The following ZNF385D variants were observed in gnomAD, a reference collection of about 807,000 sequenced individuals.
ZNF385D encodes the protein zinc finger protein 659.
In ZNF385D, 15 loss-of-function variants were observed where a neutral mutation model predicts 35.8. The ratio of observed to expected loss-of-function variants is 0.42; its 90% CI spans 0.28 to 0.64. The LOEUF is 0.64. Ranked by LOEUF, ZNF385D falls within the 30% of genes least tolerant of loss-of-function variation. The probability of loss-of-function intolerance (pLI) is 0.23; values close to 1 mark genes in which losing one functional copy is unlikely to be tolerated. For synonymous variants in ZNF385D, 212 were observed against 186.8 expected (o/e 1.13, Z -1.10); for missense variants, 474 against 494.6 (o/e 0.96, Z 0.39).
At chr3:22,201,833 C>T (rs943501048) in intron 2 of ZNF385D, among the ~76,000 whole-genome samples, 14 of 151,412 alleles carry the variant, frequency 9.2e-5, no homozygotes, top group African/African-American at 3.4e-4. Flanking sequence ...AAATTTAATA[C>T]TTTTGACAAA....
intron 2 of ZNF385D, among the ~76,000 whole-genome samples, chr3:22,246,532 TC>T (rs1177769690): frequency 6.6e-6 from 1 of 152,150 alleles, no homozygotes; most frequent in Non-Finnish European, 1.5e-5. Flanking sequence ...AGATATATTT[TC>T]TCTTGCTTCA....
intron 3 of ZNF385D, among the ~76,000 whole-genome samples, chr3:22,019,338 T>C (rs770026349): frequency 6.6e-6 from 1 of 151,936 alleles, no homozygotes; most frequent in Non-Finnish European, 1.5e-5. Context: ...TAAGCAGATG[T>C]GGGAAATTTC....
intron 2 of ZNF385D, among the ~76,000 whole-genome samples, chr3:21,609,090 T>C (rs1213548600): frequency 6.6e-6 from 1 of 152,204 alleles, no homozygotes; most frequent in African/African-American, 2.4e-5. Context: ...CTGTGCCAAA[T>C]AGAATTGTGC....
intron 1 of ZNF385D, among the ~76,000 whole-genome samples, chr3:21,701,847 T>A (rs776683720): frequency 2.0e-5 from 3 of 152,174 alleles, no homozygotes; most frequent in Non-Finnish European, 4.4e-5. Context: ...CTCCTTTGAC[T>A]CCAGGTCTCA....
chr3:21,925,395 G>A (rs1438295960), intron 3 of ZNF385D, among the ~76,000 whole-genome samples: 1 of 152,172 alleles, frequency 6.6e-6, no homozygotes, highest in East Asian at 1.9e-4. Context: ...AACAACTGCT[G>A]AAACAAATAG....
intron 2 of ZNF385D, among the ~76,000 whole-genome samples, chr3:22,277,728 A>T (rs562772016): frequency 1.5e-3 from 221 of 152,264 alleles, no homozygotes; most frequent in African/African-American, 4.7e-3. Context: ...AGATCTGATG[A>T]AACAACAGGG....
intron 2 of ZNF385D, among the ~76,000 whole-genome samples, chr3:22,311,926 G>T (rs1703577649): frequency 6.6e-6 from 1 of 152,098 alleles, no homozygotes; most frequent in African/African-American, 2.4e-5. Context: ...AGAATGTTCA[G>T]TCTTCATTGA....
intron 3 of ZNF385D, among the ~76,000 whole-genome samples, chr3:21,917,814 T>G (rs952304334): frequency 2.0e-5 from 3 of 152,248 alleles, no homozygotes; most frequent in Non-Finnish European, 2.9e-5. Context: ...CTATGCTTTT[T>G]CTTTTTTCCA....
At chr3:21,907,437 ATTATT>A (rs1158063437) in intron 3 of ZNF385D, among the ~76,000 whole-genome samples, 1 of 152,112 alleles carries the variant, frequency 6.6e-6, no homozygotes, top group Admixed American at 6.6e-5. Context: ...GTTTTCTCAC[ATTATT>A]TTAATAGGTA....
intron 3 of ZNF385D, among the ~76,000 whole-genome samples, chr3:21,892,673 T>G (rs539619808): frequency 6.6e-6 from 1 of 152,250 alleles, no homozygotes; most frequent in East Asian, 1.9e-4. Context: ...TAAATTAAAT[T>G]TAATTACATT....
intron 2 of ZNF385D, among the ~76,000 whole-genome samples, chr3:21,597,751 A>G (rs1183973742): frequency 4.6e-5 from 7 of 152,182 alleles, no homozygotes; most frequent in Non-Finnish European, 8.8e-5. Context: ...TGATAAACAT[A>G]AAAAGGTAGT....
chr3:22,089,699 C>T (rs916984848), intron 3 of ZNF385D, among the ~76,000 whole-genome samples: 2 of 152,158 alleles, frequency 1.3e-5, no homozygotes, highest in Non-Finnish European at 2.9e-5. Flanking sequence ...TTTCCTTGAA[C>T]ATTATTCTTT....
At chr3:21,802,707 T>C (rs546981160) in intron 3 of ZNF385D, among the ~76,000 whole-genome samples, 1 of 152,308 alleles carries the variant, frequency 6.6e-6, no homozygotes, top group East Asian at 1.9e-4. Context: ...AATCTCACTA[T>C]CTGTGTGAAC....
At chr3:21,770,025 G>C (rs149442765) in intron 3 of ZNF385D, among the ~76,000 whole-genome samples, 3,247 of 152,228 alleles carry the variant, frequency 0.021, 105 homozygotes, top group African/African-American at 0.073. Context: ...GGGAAAACTG[G>C]CTTGCCATAT....
At chr3:22,127,945 G>T (rs1028891227) in intron 3 of ZNF385D, among the ~76,000 whole-genome samples, 2 of 152,120 alleles carry the variant, frequency 1.3e-5, no homozygotes, top group Non-Finnish European at 2.9e-5. Flanking sequence ...GAACTGCAGT[G>T]TATCTGTCTG....
At chr3:22,254,009 A>C (rs752488121) in intron 2 of ZNF385D, among the ~76,000 whole-genome samples, 2 of 151,960 alleles carry the variant, frequency 1.3e-5, no homozygotes, top group Non-Finnish European at 2.9e-5. Flanking sequence ...GGTAGCTATG[A>C]CTACATAAAA....
chr3:21,724,413 T>C lies in ZNF385D; in HGVS notation c.22+26482A>G, dbSNP rs147895749. On this transcript the variant is annotated intron_variant, in intron 1 of 7. Transcript: ENST00000281523. ...CTGTATTCAGGAGACCCATCTCATA[T>C]GCAAAGACACACATAGGCTCAAAAT... Among the ~76,000 whole-genome samples the C allele has an allele frequency of 9.0e-3, 1,244 of 138,124 alleles. 20 individuals are homozygous for C. Among genetic ancestry groups the C allele is most frequent in the African/African-American group, 0.031 (1,147 of 36,648 alleles). The allele number at this position is 138,124 out of a possible 152,430, so 90.6% of individuals were successfully genotyped here.
chr3:21,459,741 T>C (rs952319800), intron 4 of ZNF385D, among the ~76,000 whole-genome samples: 5 of 152,174 alleles, frequency 3.3e-5, no homozygotes, highest in Admixed American at 1.3e-4. Flanking sequence ...TAAACTATTA[T>C]GTTGCTTGAT....
At chr3:21,506,972 G>A (rs568804614) in intron 4 of ZNF385D, among the ~76,000 whole-genome samples, 38 of 137,050 alleles carry the variant, frequency 2.8e-4, no homozygotes, top group African/African-American at 9.3e-4. Context: ...TAGAGAAAAA[G>A]GCAACACAAA....
Sources: gnomAD v4.1 joint callset for allele counts (sites outside exome capture counted in the v4.1 genomes callset) on GRCh38, gnomAD v4.1.1 for gene constraint, MANE v1.5 for transcripts, NCBI Gene and HGNC (gene_info 2026-07-23, HGNC 2026-07-21) for gene names.